Variants in GLI2 observed in about 807,000 individuals in gnomAD.
The protein encoded by GLI2 is transcription activator GLI2.
In GLI2, 22 loss-of-function variants were observed where a neutral mutation model predicts 78.9. The observed-to-expected ratio is 0.28, with a 90% CI of 0.20 to 0.40. GLI2 has a LOEUF of 0.40. Among genes scored for constraint, GLI2 ranks in the 10% least tolerant of loss-of-function variants. GLI2 has a pLI of 1.00. For missense variants in GLI2, 2,097 were observed against 2,213.2 expected, an observed-to-expected ratio of 0.95 and a Z score of 1.05; for synonymous variants, 974 against 963.7, an observed-to-expected ratio of 1.01 and a Z score of -0.20.
intron 1 of GLI2, among the ~76,000 whole-genome samples, chr2:120,772,204 C>T (rs1200022448): frequency 1.3e-5 from 2 of 152,104 alleles, no homozygotes; most frequent in Non-Finnish European, 2.9e-5. Flanking sequence ...CTGCCTTGGA[C>T]CAGGAGAGGG....
intron 1 of GLI2, among the ~76,000 whole-genome samples, chr2:120,776,433 G>A (rs191738210): frequency 2.6e-5 from 4 of 152,308 alleles, no homozygotes; most frequent in African/African-American, 4.8e-5. Context: ...GCTCTGGCGT[G>A]TTTGGTGGCT....
intron 2 of GLI2, among the ~76,000 whole-genome samples, chr2:120,891,765 C>T (rs555112846): frequency 4.7e-4 from 72 of 152,324 alleles, no homozygotes; most frequent in Non-Finnish European, 7.2e-4. Flanking sequence ...CCCTTCTCTT[C>T]CTTACTTGCC....
At chr2:120,775,830 A>C (rs1285411698) in intron 1 of GLI2, among the ~76,000 whole-genome samples, 1 of 152,192 alleles carries the variant, frequency 6.6e-6, no homozygotes, top group Non-Finnish European at 1.5e-5. Context: ...AGGCTGGCAG[A>C]TTCCATATGC....
intron 3 of GLI2, among the ~76,000 whole-genome samples, chr2:120,934,350 C>G (rs1299649076): frequency 2.0e-5 from 3 of 152,210 alleles, no homozygotes; most frequent in African/African-American, 7.2e-5. Flanking sequence ...GGGGTGGGAA[C>G]AGCTGCAGTA....
chr2:120,833,222 G>A (rs1573450461), intron 2 of GLI2, among the ~76,000 whole-genome samples: 1 of 151,724 alleles, frequency 6.6e-6, no homozygotes, highest in Non-Finnish European at 1.5e-5. Context: ...CAGGGCCTAC[G>A]AGATGGTGTT....
In GLI2 at chr2:120,974,992, C is replaced by G; in HGVS notation, c.1200C>G (p.Leu400=). The part of the protein sequence containing the change: ...LALTQEQLAD[L]KEDLDRDDCK... ...TCTCCCAGGAGCAGCTGGCTGACCT[C>G]AAGGAAGATCTGGACAGGGATGACT... The change falls in exon 9 of 14, where the codon CTC becomes CTG. Residue 400 remains leucine, a synonymous_variant. Coordinates refer to ENST00000361492, the MANE Select transcript of GLI2 (RefSeq NM_001374353.1). 1 of 1,614,194 alleles carries G rather than the reference C, an allele frequency of 6.2e-7. No homozygotes were observed. Among genetic ancestry groups the G allele is most frequent in the Non-Finnish European group, 8.5e-7 (1 of 1,180,034 alleles).
At chr2:120,789,190 C>A (rs1172123231) in intron 1 of GLI2, among the ~76,000 whole-genome samples, 1 of 152,010 alleles carries the variant, frequency 6.6e-6, no homozygotes, top group African/African-American at 2.4e-5. Context: ...TGCCACCACA[C>A]CTGGCTGATT....
chr2:120,959,062 G>T (rs535816240), intron 5 of GLI2, among the ~76,000 whole-genome samples: 7 of 152,360 alleles, frequency 4.6e-5, no homozygotes, highest in African/African-American at 1.7e-4. Flanking sequence ...CAGGGGACTG[G>T]AAGGGGCTGG....
intron 1 of GLI2, among the ~76,000 whole-genome samples, chr2:120,741,794 C>G (rs573846954): frequency 2.4e-4 from 37 of 152,250 alleles, no homozygotes; most frequent in African/African-American, 8.7e-4. Flanking sequence ...GCGCGCCGGC[C>G]TGGTTTGCAG....
chr2:120,739,006 C>CTTTG (rs1007484894), intron 1 of GLI2, among the ~76,000 whole-genome samples: 15 of 152,206 alleles, frequency 9.9e-5, no homozygotes, highest in African/African-American at 3.6e-4. Flanking sequence ...AGAGTCAATC[C>CTTTG]TTTGAGTTGC....
intron 2 of GLI2, among the ~76,000 whole-genome samples, chr2:120,878,426 C>G (rs953477070): frequency 2.6e-5 from 4 of 152,052 alleles, no homozygotes; most frequent in African/African-American, 9.7e-5. Flanking sequence ...AAAGACTTGG[C>G]TGAATAAAGG....
intron 9 of GLI2, 31 bp downstream of exon 9, chr2:120,975,140 C>CCGGG (rs2105037230): frequency 6.2e-7 from 1 of 1,610,814 alleles, no homozygotes; most frequent in East Asian, 2.2e-5. Flanking sequence ...AGCCCGCCAA[C>CCGGG]CGGGGCACGG....
At chr2:120,910,394 A>T (rs1439398370) in intron 2 of GLI2, among the ~76,000 whole-genome samples, 2 of 152,232 alleles carry the variant, frequency 1.3e-5, no homozygotes, top group Non-Finnish European at 2.9e-5. Context: ...CCCATTTCCT[A>T]GCAGCAGTCA....
At chr2:120,911,039 A>G (rs1317200847) in intron 2 of GLI2, among the ~76,000 whole-genome samples, 1 of 152,306 alleles carries the variant, frequency 6.6e-6, no homozygotes, top group East Asian at 1.9e-4. Context: ...TGCCTGGCCC[A>G]GGCTGCCCTG....
intron 5 of GLI2, among the ~76,000 whole-genome samples, chr2:120,966,679 C>G (rs1311374881): frequency 1.3e-5 from 2 of 152,202 alleles, no homozygotes; most frequent in Admixed American, 6.5e-5. Context: ...GGGGCTGGGC[C>G]GGGCATGGTT....
At chr2:120,880,392 T>TC (rs34301118) in intron 2 of GLI2, among the ~76,000 whole-genome samples, 4 of 152,102 alleles carry the variant, frequency 2.6e-5, no homozygotes, top group Non-Finnish European at 5.9e-5. Flanking sequence ...TCATCCATCT[T>TC]CCCCACCGAA....
At chr2:120,842,077 A>C (rs569978471) in intron 2 of GLI2, among the ~76,000 whole-genome samples, 11 of 146,764 alleles carry the variant, frequency 7.5e-5, no homozygotes, top group African/African-American at 2.1e-4. Flanking sequence ...AAAAAAAAAA[A>C]CAGACTTCTT....
chr2:120,817,262 G>A (rs573598831), intron 2 of GLI2, among the ~76,000 whole-genome samples: 4 of 152,264 alleles, frequency 2.6e-5, no homozygotes, highest in African/African-American at 9.6e-5. Flanking sequence ...TCAGCTTGGC[G>A]AAGTGGCCTC....
At chr2:120,960,575 T>C (rs949071828) in intron 5 of GLI2, among the ~76,000 whole-genome samples, 1 of 152,262 alleles carries the variant, frequency 6.6e-6, no homozygotes, top group Non-Finnish European at 1.5e-5. Context: ...AATGGAACTT[T>C]GTATTTTTTC....
Sources: allele counts gnomAD v4.1 joint callset (sites outside exome capture counted in the v4.1 genomes callset), GRCh38; gene constraint gnomAD v4.1.1; transcripts MANE v1.5; gene names NCBI Gene and HGNC (gene_info 2026-07-23, HGNC 2026-07-21).